Variants in CLEC16A observed in about 807,000 individuals in gnomAD.
CLEC16A encodes C-type lectin domain containing 16A, also known as protein CLEC16A.
CLEC16A carries 51 observed loss-of-function variants against 109.5 expected under a neutral mutation model. The observed-to-expected ratio is 0.47, with a 90% CI of 0.37 to 0.59. CLEC16A has a LOEUF of 0.59. Ranked by LOEUF, CLEC16A falls within the 20% of genes least tolerant of loss-of-function variation. CLEC16A has a pLI of 0.00. For missense variants in CLEC16A, 1,339 were observed against 1,394.0 expected (o/e 0.96, Z 0.63); for synonymous variants, 673 against 564.2 (o/e 1.19, Z -2.73).
chr16:11,171,875 TACAC>T (rs1346089033), intron 23 of CLEC16A, among the ~76,000 whole-genome samples: 12 of 148,036 alleles, frequency 8.1e-5, no homozygotes, highest in East Asian at 2.0e-4. Flanking sequence ...CCAGGGCACA[TACAC>T]ACTCACACAT....
At chr16:11,080,714 G>C (rs1360903850) in intron 19 of CLEC16A, among the ~76,000 whole-genome samples, 1 of 152,148 alleles carries the variant, frequency 6.6e-6, no homozygotes, top group Non-Finnish European at 1.5e-5. Context: ...CCTGTGCTTT[G>C]GCTTATGGCC....
At chr16:11,155,503 A>G (rs2054476540) in intron 22 of CLEC16A, among the ~76,000 whole-genome samples, 1 of 152,248 alleles carries the variant, frequency 6.6e-6, no homozygotes, top group Admixed American at 6.5e-5. Flanking sequence ...CATGTCCCAC[A>G]GGTCTGCCAG....
At chr16:11,127,472 G>T (rs1295187634) in intron 22 of CLEC16A, among the ~76,000 whole-genome samples, 1 of 152,226 alleles carries the variant, frequency 6.6e-6, no homozygotes, top group African/African-American at 2.4e-5. Context: ...TGCCAAAGGG[G>T]AAGGTTTTTA....
At chr16:11,022,249 G>T (rs1369681361) in intron 12 of CLEC16A, among the ~76,000 whole-genome samples, 2 of 150,512 alleles carry the variant, frequency 1.3e-5, no homozygotes, top group Non-Finnish European at 3.0e-5. Context: ...AAGGTATCGA[G>T]TTGCAGCTTG....
intron 10 of CLEC16A, among the ~76,000 whole-genome samples, chr16:10,995,213 C>A (rs1402961531): frequency 6.6e-6 from 1 of 152,240 alleles, no homozygotes. Flanking sequence ...CTCAGCAGCA[C>A]TGTTGGGGAG....
chr16:11,120,789 G>A (rs765832355), intron 20 of CLEC16A, 23 bp downstream of exon 20: 80 of 1,489,776 alleles, frequency 5.4e-5, no homozygotes, highest in Non-Finnish European at 6.8e-5. Flanking sequence ...GGAGCTCTGG[G>A]ATCTGTTCTC....
intron 10 of CLEC16A, among the ~76,000 whole-genome samples, chr16:10,985,202 CAAAAAA>C (rs1157089518): frequency 9.6e-6 from 1 of 103,726 alleles, no homozygotes; most frequent in Non-Finnish European, 1.9e-5. Flanking sequence ...GACTCCATCT[CAAAAAA>C]AAAAAAAAAA....
intron 1 of CLEC16A, among the ~76,000 whole-genome samples, chr16:10,950,015 C>G (rs968739359): frequency 3.9e-5 from 6 of 152,220 alleles, no homozygotes; most frequent in African/African-American, 1.4e-4. Context: ...GTTTTGCTGT[C>G]TTCTCTAACT....
At chr16:11,113,335 T>A (rs1334879040) in intron 19 of CLEC16A, among the ~76,000 whole-genome samples, 2 of 152,240 alleles carry the variant, frequency 1.3e-5, no homozygotes, top group African/African-American at 4.8e-5. Flanking sequence ...CAATTTTAAG[T>A]GTGCAAATAA....
chr16:11,176,429 A>G (rs2068749149), intron 23 of CLEC16A, among the ~76,000 whole-genome samples: 1 of 152,176 alleles, frequency 6.6e-6, no homozygotes, highest in East Asian at 1.9e-4. Flanking sequence ...CTTTTAAAAA[A>G]GACATTAGGA....
chr16:11,027,669 C>G (rs1302307745), intron 13 of CLEC16A: 2 of 1,560,468 alleles, frequency 1.3e-6, no homozygotes, highest in Admixed American at 3.3e-5. Context: ...AGTGGCCCAT[C>G]ATGCTACCAA....
At chr16:11,110,354 G>C (rs901809851) in intron 19 of CLEC16A, among the ~76,000 whole-genome samples, 3 of 152,210 alleles carry the variant, frequency 2.0e-5, no homozygotes, top group Non-Finnish European at 4.4e-5. Flanking sequence ...CTGGGATGGG[G>C]CTGGGGATTA....
chr16:11,020,305 T>G lies in CLEC16A; in HGVS notation c.1416T>G (p.Ser472=), dbSNP rs1349655421. Residue 472 remains serine (S), a synonymous_variant, in exon 12 of 24, where the codon TCT becomes TCG. Coordinates refer to ENST00000409790, the MANE Select transcript of CLEC16A (RefSeq NM_015226.3). ...DEEKSAAATC[S]ESTQWSRPFL... ...AGAAAAGCGCCGCCGCCACCTGCTCTGAGAGCACGCAATGGAGCAGGTAGC... is the reference window on the plus strand; with the variant it reads ...AGAAAAGCGCCGCCGCCACCTGCTCGGAGAGCACGCAATGGAGCAGGTAGC... 5.0e-6 allele frequency: 8 copies of G among 1,612,190 alleles called. No individual in the cohort carries two copies. The highest frequency in any genetic ancestry group is 1.7e-6 in the Non-Finnish European group (2 of 1,179,158).
intron 22 of CLEC16A, among the ~76,000 whole-genome samples, chr16:11,153,502 A>G (rs2054377311): frequency 6.6e-6 from 1 of 151,568 alleles, no homozygotes; most frequent in African/African-American, 2.4e-5. Flanking sequence ...CTTACCTCTA[A>G]CAGATTAAAA....
chr16:11,042,471 G>C, intron 15 of CLEC16A, 108 bp downstream of exon 15: 1 of 793,148 alleles, frequency 1.3e-6, no homozygotes, highest in Admixed American at 2.5e-5. Flanking sequence ...GGTGTCATCG[G>C]TCACCAGCTA....
intron 18 of CLEC16A, among the ~76,000 whole-genome samples, chr16:11,057,341 C>G (rs552275440): frequency 6.6e-6 from 1 of 152,350 alleles, no homozygotes; most frequent in African/African-American, 2.4e-5. Context: ...CAGGCCAGCT[C>G]GTGGGCTCAG....
At chr16:11,011,864 G>A (rs539892022) in intron 11 of CLEC16A, among the ~76,000 whole-genome samples, 2 of 151,246 alleles carry the variant, frequency 1.3e-5, no homozygotes, top group Admixed American at 1.3e-4. Flanking sequence ...TCTTAGATTT[G>A]TATGTTTCTT....
At chr16:11,173,381 T>C (rs2068607081) in intron 23 of CLEC16A, among the ~76,000 whole-genome samples, 1 of 152,110 alleles carries the variant, frequency 6.6e-6, no homozygotes, top group African/African-American at 2.4e-5. Flanking sequence ...TCCGAGAGTG[T>C]GGTTTCTCCC....
intron 19 of CLEC16A, among the ~76,000 whole-genome samples, chr16:11,089,789 T>C (rs1056020829): frequency 6.6e-6 from 1 of 152,150 alleles, no homozygotes; most frequent in African/African-American, 2.4e-5. Context: ...TACTGAGGGG[T>C]GCTGGGCATG....
Sources: gnomAD v4.1 joint callset for allele counts (sites outside exome capture counted in the v4.1 genomes callset) on GRCh38, gnomAD v4.1.1 for gene constraint, MANE v1.5 for transcripts, NCBI Gene and HGNC (gene_info 2026-07-23, HGNC 2026-07-21) for gene names.